The following CLCA2 variants were observed in gnomAD, a reference collection of about 807,000 sequenced individuals.
CLCA2 encodes chloride channel accessory 2.
In CLCA2, 85 loss-of-function variants were observed where a neutral mutation model predicts 82.9. That is an observed-to-expected ratio of 1.03 (90% CI 0.86 to 1.23). The LOEUF is 1.23. Among genes scored for constraint, CLCA2 ranks in the 50% most tolerant of loss-of-function variants. The pLI is 0.00. For missense variants in CLCA2, 1,089 were observed against 1,124.8 expected, an observed-to-expected ratio of 0.97 and a Z score of 0.45; for synonymous variants, 421 against 391.7, an observed-to-expected ratio of 1.07 and a Z score of -0.88.
chr1:86,434,540 G>GT lies in CLCA2; in HGVS notation c.768dup (p.Thr257TyrfsTer28). 1 of 1,613,992 alleles carries GT rather than the reference G, an allele frequency of 6.2e-7. No homozygotes were observed. Among genetic ancestry groups the GT allele is most frequent in the Non-Finnish European group, 8.5e-7 (1 of 1,179,950 alleles). On this transcript the variant is annotated frameshift_variant, in exon 6 of 14. Coordinates refer to ENST00000370565, the MANE Select transcript of CLCA2 (RefSeq NM_006536.7). LOFTEE classifies it high-confidence loss of function. Reference sequence around the variant, plus strand: ...CAGGTGGTTGAATTTTGTAATGCAAGTACCCACAACCAAGAAGCACCAAAC... The same window carrying GT: ...CAGGTGGTTGAATTTTGTAATGCAAGTTACCCACAACCAAGAAGCACCAAAC...
At chr1:86,437,355 G>C (rs2101698907) in intron 6 of CLCA2, among the ~76,000 whole-genome samples, 1 of 152,284 alleles carries the variant, frequency 6.6e-6, no homozygotes, top group African/African-American at 2.4e-5. Context: ...ACAATACAAT[G>C]TGACTAGGCT....
chr1:86,425,227 G>C (rs1662363963), intron 1 of CLCA2, 112 bp from the exon 2 acceptor site: 1 of 666,012 alleles, frequency 1.5e-6, no homozygotes, highest in East Asian at 3.3e-5. Context: ...TAAAAGAAAT[G>C]GGTCTCTTCA....
intron 6 of CLCA2, among the ~76,000 whole-genome samples, chr1:86,437,147 G>T (rs1029696504): frequency 6.6e-6 from 1 of 152,174 alleles, no homozygotes; most frequent in East Asian, 1.9e-4. Flanking sequence ...AGAGAAATAA[G>T]CCCAAAGTAA....
intron 12 of CLCA2, among the ~76,000 whole-genome samples, chr1:86,451,513 T>C (rs1198161532): frequency 6.6e-6 from 1 of 151,674 alleles, no homozygotes; most frequent in Admixed American, 6.6e-5. Context: ...ACCTCACCAG[T>C]ATCAAACACA....
chr1:86,435,084 C>T (rs1334605509), intron 6 of CLCA2, among the ~76,000 whole-genome samples: 1 of 152,156 alleles, frequency 6.6e-6, no homozygotes, highest in Non-Finnish European at 1.5e-5. Context: ...TGCAGGACAC[C>T]ATGCCTTTTC....
Position 86,453,431 on chromosome 1 carries a change from G to C in CLCA2, c.2218G>C (p.Gly740Arg). 6.2e-7 allele frequency: 1 copy of C among 1,614,102 alleles called. No individual in the cohort carries two copies. Among genetic ancestry groups the C allele is most frequent in the African/African-American group, 1.3e-5 (1 of 75,016 alleles). Reference protein sequence around the residue: ...VGRNEEERKWGFSRVSSGGSF... With the variant: ...VGRNEEERKWRFSRVSSGGSF... ...CAGAAATGAGGAGGAGCGAAAGTGG[G>C]GCTTTAGCCGAGTCAGCTCAGGAGG... is the stretch of plus-strand genomic sequence containing the variant. The change falls in exon 13 of 14, where the codon GGC becomes CGC. Residue 740 changes from glycine (G) to arginine (R), a missense_variant. Transcript: ENST00000370565.
At position 86,439,113 on chromosome 1, in the gene CLCA2, T is replaced by C. The variant is rs770148412; in HGVS notation, c.1203+7T>C. Reference sequence around the variant, plus strand: ...GCTTAAGAAAGGATTTGAGGTACAGTAGAGCATCCTAAGCCTTGGATCACC... The same window carrying C: ...GCTTAAGAAAGGATTTGAGGTACAGCAGAGCATCCTAAGCCTTGGATCACC... On this transcript the variant is annotated splice_region_variant and intron_variant, in intron 7 of 13. Coordinates refer to ENST00000370565, the MANE Select transcript of CLCA2 (RefSeq NM_006536.7). 8.1e-6 allele frequency: 13 copies of C among 1,610,752 alleles called. No individual in the cohort carries two copies. The highest frequency in any genetic ancestry group is 4.5e-5 in the East Asian group (2 of 44,826).
At chr1:86,445,919 G>A (rs1269336560) in intron 10 of CLCA2, among the ~76,000 whole-genome samples, 3 of 151,982 alleles carry the variant, frequency 2.0e-5, no homozygotes, top group South Asian at 4.1e-4. Context: ...CTTCCAAGAC[G>A]ATCTATAGAA....
At chr1:86,447,987 G>GTGTCTA in intron 11 of CLCA2, 1 of 598,536 alleles carries the variant, frequency 1.7e-6, no homozygotes, top group Non-Finnish European at 2.9e-6. Flanking sequence ...ACTCCTCATA[G>GTGTCTA]TGTCTATGTT....
chr1:86,437,556 T>C (rs1460540479), intron 6 of CLCA2, among the ~76,000 whole-genome samples: 1 of 152,090 alleles, frequency 6.6e-6, no homozygotes, highest in Admixed American at 6.6e-5. Context: ...AAGAGAAAAG[T>C]GTGTGCAGTG....
chr1:86,447,620 C>G lies in CLCA2; in HGVS notation c.1826C>G (p.Ala609Gly), dbSNP rs758933041. The G allele has an allele frequency of 1.2e-6, 2 of 1,614,102 alleles. No homozygotes were observed. Among genetic ancestry groups the G allele is most frequent in the Non-Finnish European group, 1.7e-6 (2 of 1,180,024 alleles). ...GCTGTGCCCCCAGCCACTGTGGAAG[C>G]CTTTGTGGAAAGAGACAGCCTCCAT... ...NSAVPPATVEAFVERDSLHFP... is the reference protein window; with the variant it reads ...NSAVPPATVEGFVERDSLHFP... Residue 609 changes from alanine to glycine, a missense_variant, in exon 11 of 14, where the codon GCC (alanine) becomes GGC (glycine). Physicochemically the swap from Ala to Gly is moderately conservative, Grantham distance 60. Coordinates refer to ENST00000370565, the MANE Select transcript of CLCA2 (RefSeq NM_006536.7).
chr1:86,440,172 G>A lies in CLCA2; in HGVS notation c.1228G>A (p.Ala410Thr). The change falls in exon 8 of 14, where the codon GCT becomes ACT. Residue 410 changes from alanine (A) to threonine (T), a missense_variant. Coordinates refer to ENST00000370565, the MANE Select transcript of CLCA2 (RefSeq NM_006536.7). ...GGTGGTTGAAAAACTGAATGGAAAA[G>A]CTTATGGCTCTGTGATGATATTAGT... ...FEVVEKLNGK[A>T]YGSVMILVTS... The A allele has an allele frequency of 6.2e-7, 1 of 1,614,028 alleles. No homozygotes were observed. The highest frequency in any genetic ancestry group is 1.3e-5 in the African/African-American group (1 of 75,038).
intron 1 of CLCA2, 87 bp downstream of exon 1, chr1:86,424,520 G>A (rs891585952): frequency 7.9e-5 from 90 of 1,141,372 alleles, no homozygotes; most frequent in African/African-American, 1.3e-4. Context: ...TGCCTGGTTT[G>A]TATTTGAGTA....
At chr1:86,428,635 G>T in intron 3 of CLCA2, 67 bp downstream of exon 3, 1 of 1,537,676 alleles carries the variant, frequency 6.5e-7, no homozygotes, top group Non-Finnish European at 8.8e-7. Flanking sequence ...GCTTGGTGCT[G>T]AAAGGGACTC....
chr1:86,437,618 A>G (rs1251494399), intron 6 of CLCA2, among the ~76,000 whole-genome samples: 1 of 152,202 alleles, frequency 6.6e-6, no homozygotes, highest in African/African-American at 2.4e-5. Flanking sequence ...ATTCATTTGT[A>G]TGACTATAAC....
rs1476845043 is a variant in CLCA2 at position 86,441,481 on chromosome 1, A to C, written c.1426A>C (p.Met476Leu). 6.2e-7 allele frequency: 1 copy of C among 1,612,130 alleles called. No individual in the cohort carries two copies. The highest frequency in any genetic ancestry group is 1.1e-5 in the South Asian group (1 of 90,952). Residue 476 changes from methionine (M) to leucine (L), a missense_variant, in exon 9 of 14, where the codon ATG becomes CTG. Physicochemically the swap from Met to Leu is conservative, Grantham distance 15 (BLOSUM62 2). Coordinates refer to ENST00000370565, the MANE Select transcript of CLCA2 (RefSeq NM_006536.7). ...TCCAGATATATCAAACTCCAATAGCATGATTGATGCTTTCAGTAGAATTTC... is the reference window on the plus strand; with the variant it reads ...TCCAGATATATCAAACTCCAATAGCCTGATTGATGCTTTCAGTAGAATTTC... Reference protein sequence around the residue: ...FVPDISNSNSMIDAFSRISSG... With the variant: ...FVPDISNSNSLIDAFSRISSG...
In CLCA2 at chr1:86,455,427, G is replaced by A. The variant is rs1423055529; in HGVS notation, c.2732G>A (p.Gly911Asp). The A allele has an allele frequency of 3.7e-6, 6 of 1,602,010 alleles. No homozygotes were observed. The highest frequency in any genetic ancestry group is 8.5e-7 in the Non-Finnish European group (1 of 1,175,460). The change falls in exon 14 of 14, where the codon GGT (glycine) becomes GAT (aspartate). Residue 911 changes from glycine (G) to aspartate (D), a missense_variant. Physicochemically the swap from Gly to Asp is moderately conservative, Grantham distance 94 (BLOSUM62 -1). Coordinates refer to ENST00000370565, the MANE Select transcript of CLCA2 (RefSeq NM_006536.7). ...LILKGVLTAMGLIGIICLIIV... is the reference protein window; with the variant it reads ...LILKGVLTAMDLIGIICLIIV... ...TTGAAAGGAGTTTTAACAGCAATGG[G>A]TTTGATAGGAATCATTTGCCTTATT...
intron 3 of CLCA2, among the ~76,000 whole-genome samples, chr1:86,429,005 C>T (rs995333117): frequency 6.6e-6 from 1 of 152,052 alleles, no homozygotes; most frequent in African/African-American, 2.4e-5. Context: ...TGGGAGAAAA[C>T]GTTGAAACAT....
At position 86,439,120 on chromosome 1, in the gene CLCA2, T is replaced by A; in HGVS notation, c.1203+14T>A. ...AAAGGATTTGAGGTACAGTAGAGCATCCTAAGCCTTGGATCACCATCATTT... is the reference window on the plus strand; with the variant it reads ...AAAGGATTTGAGGTACAGTAGAGCAACCTAAGCCTTGGATCACCATCATTT... On this transcript the variant is annotated intron_variant, in intron 7 of 13. Coordinates refer to ENST00000370565, the MANE Select transcript of CLCA2 (RefSeq NM_006536.7). The A allele has an allele frequency of 6.2e-7, 1 of 1,607,800 alleles. No individual in the cohort carries two copies.
Sources: gnomAD v4.1 joint callset for allele counts (sites outside exome capture counted in the v4.1 genomes callset) on GRCh38, gnomAD v4.1.1 for gene constraint, MANE v1.5 for transcripts, NCBI Gene and HGNC (gene_info 2026-07-23, HGNC 2026-07-21) for gene names.